The following LSAMP variants were observed in gnomAD, a reference collection of about 807,000 sequenced individuals.
LSAMP encodes limbic system-associated membrane protein.
In LSAMP, 7 loss-of-function variants were observed where a neutral mutation model predicts 38.6. The observed-to-expected ratio is 0.18, with a 90% CI of 0.10 to 0.34. The LOEUF (loss-of-function observed/expected upper bound fraction) is 0.34. Among genes scored for constraint, LSAMP ranks in the 10% least tolerant of loss-of-function variants. LSAMP has a pLI of 1.00. For synonymous variants in LSAMP, 154 were observed against 166.8 expected, an observed-to-expected ratio of 0.92 and a Z score of 0.59; for missense variants, 313 against 420.0, an observed-to-expected ratio of 0.75 and a Z score of 2.23.
rs1168501484 is a variant in LSAMP at position 115,802,539 on chromosome 3, A to T, written c.*7778T>A. On this transcript the variant is annotated 3_prime_UTR_variant, in exon 7 of 7. Coordinates refer to ENST00000490035, the MANE Select transcript of LSAMP (RefSeq NM_002338.5). Reference sequence around the variant, plus strand: ...ATTTTAATTTTAATTTTTTTTTTTTAACACACATTGCGCTTTTTATCTCCT... The same window carrying T: ...ATTTTAATTTTAATTTTTTTTTTTTTACACACATTGCGCTTTTTATCTCCT... 2.1e-5 allele frequency: 3 copies of T among 143,000 alleles called. No individual in the cohort carries two copies. The highest frequency in any genetic ancestry group is 8.4e-5 in the African/African-American group (3 of 35,702). 8.9% of individuals were successfully genotyped at this position (143,000 alleles called of 1,614,324 possible). A position where few individuals can be genotyped will look rare whatever the true frequency, so the allele number is the denominator to read the frequency against.
At chr3:116,043,711 C>A (rs1300508752) in intron 2 of LSAMP, among the ~76,000 whole-genome samples, 1 of 152,122 alleles carries the variant, frequency 6.6e-6, no homozygotes, top group Admixed American at 6.5e-5. Context: ...TTTGGGAGGC[C>A]GAGGCAGGCG....
At chr3:116,028,135 A>T (rs531705403) in intron 2 of LSAMP, among the ~76,000 whole-genome samples, 1 of 152,190 alleles carries the variant, frequency 6.6e-6, no homozygotes. Flanking sequence ...AATCTACACA[A>T]TGTTTCTTGA....
intron 1 of LSAMP, among the ~76,000 whole-genome samples, chr3:116,292,210 C>G (rs2047276046): frequency 6.6e-6 from 1 of 152,130 alleles, no homozygotes; most frequent in African/African-American, 2.4e-5. Flanking sequence ...ATCACACTGA[C>G]AAGGCTCCTA....
intron 1 of LSAMP, among the ~76,000 whole-genome samples, chr3:116,163,059 GA>G (rs1709936925): frequency 1.3e-5 from 2 of 151,492 alleles, no homozygotes; most frequent in Admixed American, 6.6e-5. Context: ...TAAAAATGAA[GA>G]AGATCTTTTT....
At chr3:116,194,385 GT>G (rs1458074270) in intron 1 of LSAMP, among the ~76,000 whole-genome samples, 1 of 138,092 alleles carries the variant, frequency 7.2e-6, no homozygotes, top group East Asian at 2.0e-4. Context: ...TTTTTTGTTT[GT>G]TTGTTTGTTT....
At chr3:115,982,931 C>CTTTTTTTTT (rs11386123) in intron 3 of LSAMP, among the ~76,000 whole-genome samples, 1 of 136,278 alleles carries the variant, frequency 7.3e-6, no homozygotes. Context: ...CCTATGGAGA[C>CTTTTTTTTT]TTTTTTTTTT....
chr3:115,997,850 G>T, intron 3 of LSAMP, among the ~76,000 whole-genome samples: 1 of 138,980 alleles, frequency 7.2e-6, no homozygotes, highest in African/African-American at 2.7e-5. Context: ...TATATATTAT[G>T]TATTTTATAT....
At chr3:116,224,406 T>C (rs1225328873) in intron 1 of LSAMP, among the ~76,000 whole-genome samples, 1 of 152,198 alleles carries the variant, frequency 6.6e-6, no homozygotes, top group East Asian at 1.9e-4. Context: ...CATAGACTCA[T>C]CCTTGGTTGC....
chr3:115,997,305 C>A (rs1182442226), intron 3 of LSAMP, among the ~76,000 whole-genome samples: 1 of 152,002 alleles, frequency 6.6e-6, no homozygotes, highest in African/African-American at 2.4e-5. Flanking sequence ...ATAAGATGGA[C>A]AATGTACATT....
intron 1 of LSAMP, among the ~76,000 whole-genome samples, chr3:116,341,040 T>C (rs2047987880): frequency 1.3e-5 from 2 of 152,042 alleles, no homozygotes; most frequent in Non-Finnish European, 2.9e-5. Flanking sequence ...ATGATCCTTT[T>C]ATGGATCCAG....
intron 1 of LSAMP, among the ~76,000 whole-genome samples, chr3:116,164,875 T>A (rs1576404751): frequency 6.6e-6 from 1 of 150,840 alleles, no homozygotes; most frequent in South Asian, 2.1e-4. Context: ...TAACTAGTAC[T>A]GAGGTATCAG....
At chr3:115,843,559 A>C (rs1427176918) in intron 4 of LSAMP, among the ~76,000 whole-genome samples, 1 of 152,182 alleles carries the variant, frequency 6.6e-6, no homozygotes, top group Non-Finnish European at 1.5e-5. Context: ...GGGAAAACAG[A>C]CCCAGACACT....
intron 1 of LSAMP, among the ~76,000 whole-genome samples, chr3:116,339,595 T>C (rs2047966538): frequency 6.6e-6 from 1 of 151,950 alleles, no homozygotes; most frequent in South Asian, 2.1e-4. Context: ...TAGGGAATGA[T>C]TGACTGGTAG....
intron 3 of LSAMP, among the ~76,000 whole-genome samples, chr3:115,989,294 C>T (rs1056354120): frequency 6.6e-6 from 1 of 152,050 alleles, no homozygotes; most frequent in African/African-American, 2.4e-5. Flanking sequence ...TGCATTGTAC[C>T]TCACACCACA....
intron 1 of LSAMP, among the ~76,000 whole-genome samples, chr3:116,188,674 A>C (rs1208385062): frequency 6.6e-6 from 1 of 152,232 alleles, no homozygotes; most frequent in Non-Finnish European, 1.5e-5. Context: ...ACGGGATAAG[A>C]ATAACAAAAC....
At chr3:116,358,978 C>T (rs9833409) in intron 1 of LSAMP, among the ~76,000 whole-genome samples, 152,325 of 152,330 alleles carry the variant, frequency 1, 76,160 homozygotes, top group Non-Finnish European at 1. Flanking sequence ...TTGCCTTTGA[C>T]ATCTTCACCA....
At chr3:116,422,193 G>T (rs2049137460) in intron 1 of LSAMP, among the ~76,000 whole-genome samples, 1 of 152,208 alleles carries the variant, frequency 6.6e-6, no homozygotes, top group Non-Finnish European at 1.5e-5. Context: ...ACTTCGTAGT[G>T]TATGATTCTA....
intron 1 of LSAMP, among the ~76,000 whole-genome samples, chr3:116,117,199 T>C (rs1708772006): frequency 6.6e-6 from 1 of 152,204 alleles, no homozygotes; most frequent in South Asian, 2.1e-4. Flanking sequence ...ATTTTTAAAA[T>C]GATGATTGGA....
chr3:116,273,155 C>T (rs1331360076), intron 1 of LSAMP, among the ~76,000 whole-genome samples: 5 of 152,030 alleles, frequency 3.3e-5, no homozygotes, highest in Non-Finnish European at 5.9e-5. Context: ...CATGTGTGAC[C>T]TACTACACCA....
Sources: allele counts gnomAD v4.1 joint callset (sites outside exome capture counted in the v4.1 genomes callset), GRCh38; gene constraint gnomAD v4.1.1; transcripts MANE v1.5; gene names NCBI Gene and HGNC (gene_info 2026-07-23, HGNC 2026-07-21).